The following SMYD5 variants were observed in gnomAD, a reference collection of about 807,000 sequenced individuals.
SMYD5 encodes the protein protein-lysine N-trimethyltransferase SMYD5.
A neutral mutation model predicts 57.4 loss-of-function variants in SMYD5; 35 were observed. The observed-to-expected ratio is 0.61, with a 90% confidence interval of 0.47 to 0.81. The LOEUF (loss-of-function observed/expected upper bound fraction) is 0.81, where lower values mean the gene tolerates loss of function less well. SMYD5 is among the 30% of genes least tolerant of loss of function. The pLI, the probability that SMYD5 is intolerant of heterozygous loss-of-function variation, is 0.00. For synonymous variants in SMYD5, 198 were observed against 189.7 expected (o/e 1.04, Z -0.36); for missense variants, 471 against 527.9 (o/e 0.89, Z 1.06).
Position 73,226,287 on chromosome 2 carries a change from A to T in SMYD5, c.*341A>T. 3.7e-6 allele frequency: 1 copy of T among 272,174 alleles called. No individual in the cohort carries two copies. Among genetic ancestry groups the T allele is most frequent in the Non-Finnish European group, 6.9e-6 (1 of 144,392 alleles). The allele number at this position is 272,174 out of a possible 1,614,324, so 16.9% of individuals were successfully genotyped here. On this transcript the variant is annotated 3_prime_UTR_variant, in exon 13 of 13. Coordinates refer to ENST00000389501, the MANE Select transcript of SMYD5 (RefSeq NM_006062.3). ...CCCCTCGGCCCCACGGCCCATACTC[A>T]CCCCTTCACCTGAGGCTTCTCCCCT...
At position 73,222,817 on chromosome 2, in the gene SMYD5, G is replaced by C. The variant is rs1332050296; in HGVS notation, c.705G>C (p.Gln235His). ...CCCTCTATGAGGAAGCAGTCAGCCAGGTGAGTGAGGAGAGGGTGGGACCAG... is the reference window on the plus strand; with the variant it reads ...CCCTCTATGAGGAAGCAGTCAGCCACGTGAGTGAGGAGAGGGTGGGACCAG... ...TEALYEEAVSQWFTPDGFRSL... is the reference protein window; with the variant it reads ...TEALYEEAVSHWFTPDGFRSL... Residue 235 changes from glutamine to histidine, a missense_variant and splice_region_variant, in exon 7 of 13, where the codon CAG becomes CAC. Physicochemically the swap from Gln to His is conservative, Grantham distance 24. Transcript: ENST00000389501. The C allele has an allele frequency of 6.8e-6, 11 of 1,613,790 alleles. No individual in the cohort carries two copies. In the African/African-American group the frequency reaches 9.3e-5, roughly 14 times the overall value.
Position 73,226,216 on chromosome 2 carries a change from G to T in SMYD5, c.*270G>T. The T allele has an allele frequency of 2.1e-6, 1 of 485,736 alleles. No individual in the cohort carries two copies. Among genetic ancestry groups the T allele is most frequent in the Admixed American group, 3.7e-5 (1 of 27,084 alleles). The allele number at this position is 485,736 out of a possible 1,614,324, so 30.1% of individuals were successfully genotyped here. A position where few individuals can be genotyped will look rare whatever the true frequency, so the allele number is the denominator to read the frequency against. The stretch of plus-strand genomic sequence containing the variant: ...CTCCCCTTGAGGTTCCTCCACTCTA[G>T]GGTTTGAGGGGCTGGAATCAGGGCC... On this transcript the variant is annotated 3_prime_UTR_variant, in exon 13 of 13. Transcript: ENST00000389501.
chr2:73,225,238 T>A (rs1686477537), intron 11 of SMYD5: 2 of 481,992 alleles, frequency 4.1e-6, no homozygotes, highest in Non-Finnish European at 7.3e-6. Context: ...TGCAGATATG[T>A]AATTTCTAAG....
intron 6 of SMYD5, 88 bp downstream of exon 6, chr2:73,222,018 A>G: frequency 1.2e-6 from 1 of 815,338 alleles, no homozygotes; most frequent in Non-Finnish European, 2.1e-6. Flanking sequence ...ACATTTGATC[A>G]CTTCTGAGCT....
At chr2:73,214,759 TGAG>T in intron 1 of SMYD5, 1 of 1,318,816 alleles carries the variant, frequency 7.6e-7, no homozygotes, top group Non-Finnish European at 1.0e-6. Context: ...GGTGAGGGGA[TGAG>T]GAGAGAGGCC....
intron 8 of SMYD5, 125 bp from the exon 9 acceptor site, chr2:73,223,301 A>C: frequency 1.2e-6 from 1 of 821,226 alleles, no homozygotes; most frequent in Admixed American, 1.9e-5. Context: ...ATGGGCCCCC[A>C]CCTGGAGAAT....
Position 73,214,421 on chromosome 2 carries a change from C to T in SMYD5, c.96+59C>T, listed in dbSNP as rs557423262. On this transcript the variant is annotated intron_variant, in intron 1 of 12. Coordinates refer to ENST00000389501, the MANE Select transcript of SMYD5 (RefSeq NM_006062.3). ...CCCCAGTCCGGCCATGGAGACAGCC[C>T]GGCCGGACTCCATGCCCGGAGCCCA... 2.8e-4 allele frequency: 448 copies of T among 1,609,514 alleles called. 1 individual carries two copies. The African/African-American group carries it at 5.3e-3, about 19-fold the overall frequency.
In SMYD5 at chr2:73,221,916, G is replaced by C. The variant is rs140745382; in HGVS notation, c.628G>C (p.Gly210Arg). 1.9e-5 allele frequency: 30 copies of C among 1,607,996 alleles called. No homozygotes were observed. The African/African-American group carries it at 3.9e-4, about 21-fold the overall frequency. Residue 210 changes from glycine (G) to arginine (R), a missense_variant, in exon 6 of 13, where the codon GGA becomes CGA. Transcript: ENST00000389501. Reference protein sequence around the residue: ...EEEEIVHKLLGDKFKGQLELL... With the variant: ...EEEEIVHKLLRDKFKGQLELL... ...GGAGGAAATTGTCCATAAACTTCTG[G>C]GAGACAAATTCAAGGTTATTATTCT...
chr2:73,216,753 T>C (rs1686300154), intron 1 of SMYD5, among the ~76,000 whole-genome samples: 1 of 152,146 alleles, frequency 6.6e-6, no homozygotes, highest in Admixed American at 6.5e-5. Context: ...TTTTTTTTTA[T>C]AGAGATGGGG....
chr2:73,216,991 G>A (rs1434631120), intron 1 of SMYD5, among the ~76,000 whole-genome samples: 1 of 149,134 alleles, frequency 6.7e-6, no homozygotes, highest in Non-Finnish European at 1.5e-5. Context: ...TTACTCTGTT[G>A]CCCAGGCTAT....
rs1558553008 is a variant in SMYD5 at position 73,223,084 on chromosome 2, A to G, written c.754A>G (p.Asn252Asp). 1 of 1,613,996 alleles carries G rather than the reference A, an allele frequency of 6.2e-7. No individual in the cohort carries two copies. ...GTCTCTCTTTGCTCTTGTTGGGACC[A>G]ATGGCCAAGGAATCGGGACCAGGTT... is the stretch of plus-strand genomic sequence containing the variant. ...FRSLFALVGT[N>D]GQGIGTSSLS... Residue 252 changes from asparagine to aspartate, a missense_variant, in exon 8 of 13, where the codon AAT becomes GAT. Transcript: ENST00000389501.
chr2:73,221,151 T>C lies in SMYD5; in HGVS notation c.468-14T>C. ...GAGAGAATTTCTAGGCCAATCTTTT[T>C]TCTCTTTCCCCAGGAGTATTCACTA... On this transcript the variant is annotated splice_polypyrimidine_tract_variant and intron_variant, in intron 4 of 12. Coordinates refer to ENST00000389501, the MANE Select transcript of SMYD5 (RefSeq NM_006062.3). 4 of 1,612,552 alleles carry C rather than the reference T, an allele frequency of 2.5e-6. No homozygotes were observed. Among genetic ancestry groups the C allele is most frequent in the Non-Finnish European group, 3.4e-6 (4 of 1,178,628 alleles).
At position 73,225,880 on chromosome 2, in the gene SMYD5, A is replaced by G. The variant is rs1013951769; in HGVS notation, c.1191A>G (p.Glu397=). ...ATGTGACCTCAGAAGAGGAAGAGGAAGAGGAGGAGGAGGAGGAAGGAGAGC... is the reference window on the plus strand; with the variant it reads ...ATGTGACCTCAGAAGAGGAAGAGGAGGAGGAGGAGGAGGAGGAAGGAGAGC... ...EPNVTSEEEE[E]EEEEEEGEPE... is the part of the protein sequence containing the mutation. The change falls in exon 13 of 13, where the codon GAA becomes GAG. Residue 397 remains glutamate, a synonymous_variant. Coordinates refer to ENST00000389501, the MANE Select transcript of SMYD5 (RefSeq NM_006062.3). The G allele has an allele frequency of 4.3e-6, 7 of 1,613,182 alleles. No individual in the cohort carries two copies. The highest frequency in any genetic ancestry group is 1.3e-5 in the African/African-American group (1 of 74,916).
intron 11 of SMYD5, chr2:73,225,354 G>A: frequency 1.8e-6 from 1 of 551,492 alleles, no homozygotes; most frequent in South Asian, 2.3e-5. Context: ...CAAGACCTCT[G>A]ATCCCAGCTG....
chr2:73,225,477 A>T, intron 11 of SMYD5, 154 bp from the exon 12 acceptor site: 3 of 712,354 alleles, frequency 4.2e-6, no homozygotes. Flanking sequence ...AGGCACTGGG[A>T]ACTGGATGAG....
In SMYD5 at chr2:73,218,961, GCTACC is replaced by G. The variant is rs1558551508; in HGVS notation, c.198_202del (p.Tyr67SerfsTer3). ...CAGTTTCTCTGGAATGCACTTTATC[GCTACC>G]GAGGTGAGTACATCTCTCCTACTCC... On this transcript the variant is annotated frameshift_variant, in exon 2 of 13. Transcript: ENST00000389501. LOFTEE classifies it high-confidence loss of function. The G allele has an allele frequency of 6.2e-7, 1 of 1,611,922 alleles. No homozygotes were observed. Among genetic ancestry groups the G allele is most frequent in the Non-Finnish European group, 8.5e-7 (1 of 1,177,934 alleles).
rs201766809 is a variant in SMYD5, at chr2:73,220,745, C to T, written c.430C>T (p.Pro144Ser). The change falls in exon 4 of 13, where the codon CCC (proline) becomes TCC (serine). Residue 144 changes from proline to serine, a missense_variant. Transcript: ENST00000389501. ...VLCPGPSQDD[P>S]LHPLNKLQEA... Reference sequence around the variant, plus strand: ...GTGCCCAGGCCCCTCCCAGGATGACCCCTTGCATCCTCTCAATAAGCTTCA... The same window carrying T: ...GTGCCCAGGCCCCTCCCAGGATGACTCCTTGCATCCTCTCAATAAGCTTCA... 2 of 1,613,858 alleles carry T rather than the reference C, an allele frequency of 1.2e-6. No individual in the cohort carries two copies. The highest frequency in any genetic ancestry group is 1.3e-5 in the African/African-American group (1 of 74,902).
rs576422095 is a variant in SMYD5 at position 73,217,693 on chromosome 2, G to T, written c.97-1168G>T. Among the ~76,000 whole-genome samples, 10 of 152,278 alleles carry T rather than the reference G, an allele frequency of 6.6e-5. No homozygotes were observed. The South Asian group carries it at 2.1e-3, about 32-fold the overall frequency. On this transcript the variant is annotated intron_variant, in intron 1 of 12. Transcript: ENST00000389501. ...GAGGCAACCGTATCTGGCCTTCTAA[G>T]GAGGCAGGGAGCTACCTGGGAGGCA...
At chr2:73,214,438 C>T (rs2103704532) in intron 1 of SMYD5, 76 bp downstream of exon 1, 1 of 1,605,924 alleles carries the variant, frequency 6.2e-7, no homozygotes, top group East Asian at 2.2e-5. Context: ...ACTCCATGCC[C>T]GGAGCCCAGA....
Sources: allele counts gnomAD v4.1 joint callset (sites outside exome capture counted in the v4.1 genomes callset), GRCh38; gene constraint gnomAD v4.1.1; transcripts MANE v1.5; gene names NCBI Gene and HGNC (gene_info 2026-07-23, HGNC 2026-07-21).